The following CPSF1 variants were observed in gnomAD, a reference collection of about 807,000 sequenced individuals.
CPSF1 encodes cleavage and polyadenylation specific factor 1, also known as cleavage and polyadenylation specificity factor subunit 1.
A neutral mutation model predicts 175.8 loss-of-function variants in CPSF1; 106 were observed. The ratio of observed to expected loss-of-function variants is 0.60; its 90% CI spans 0.52 to 0.71. The LOEUF is 0.71. Ranked by LOEUF, CPSF1 falls within the 30% of genes least tolerant of loss-of-function variation. The pLI is 0.00. For synonymous variants in CPSF1, 1,024 were observed against 858.3 expected (o/e 1.19, Z -3.37); for missense variants, 1,734 against 2,022.9 (o/e 0.86, Z 2.74).
intron 9 of CPSF1, 31 bp downstream of exon 9, chr8:144,400,135 G>GGGGGCGCCCCCCCCCCCCCCCCCCCC: frequency 1.1e-6 from 1 of 896,012 alleles, no homozygotes; most frequent in Non-Finnish European, 1.6e-6. Context: ...CCGTCCCCGG[G>GGGGGCGCCCCCCCCCCCCCCCCCCCC]CCCCCCCCGC....
At chr8:144,398,757 C>T in intron 17 of CPSF1, 22 bp downstream of exon 17, 1 of 1,590,280 alleles carries the variant, frequency 6.3e-7, no homozygotes, top group Non-Finnish European at 8.6e-7. Context: ...CCAGGGCCTC[C>T]CTGCAGCAGG....
At position 144,393,974 on chromosome 8, in the gene CPSF1, C is replaced by T; in HGVS notation, c.3924G>A (p.Val1308=). 1 of 1,613,618 alleles carries T rather than the reference C, an allele frequency of 6.2e-7. No individual in the cohort carries two copies. The highest frequency in any genetic ancestry group is 8.5e-7 in the Non-Finnish European group (1 of 1,179,872). The change falls in exon 35 of 38, where the codon GTG becomes GTA. Residue 1308 remains valine, a synonymous_variant. Transcript: ENST00000616140. ...GGCACGGGGTCCTCCAGAACGTGTTCACGTGGGCACCCACGTGGAAGTCTG... is the reference window on the plus strand; with the variant it reads ...GGCACGGGGTCCTCCAGAACGTGTTTACGTGGGCACCCACGTGGAAGTCTG... ...RRADFHVGAH[V]NTFWRTPCRG...
chr8:144,394,590 G>A (rs375387970), intron 31 of CPSF1, 35 bp from the exon 32 acceptor site: 124 of 1,602,696 alleles, frequency 7.7e-5, no homozygotes, highest in Middle Eastern at 5.0e-4. Flanking sequence ...GGGCGCGGAC[G>A]GGGAGCCGGG....
rs368264901 is a variant in CPSF1 at position 144,393,354 on chromosome 8, G to A, written c.4296C>T (p.Asp1432=). ...IGTTPDIILD[D]LLETDRVTAH... ...CGGTGACGCGGTCCGTCTCCAGCAAGTCGTCCAGGATCTGCAGGGGATGGA... is the reference window on the plus strand; with the variant it reads ...CGGTGACGCGGTCCGTCTCCAGCAAATCGTCCAGGATCTGCAGGGGATGGA... Residue 1432 remains aspartate, a synonymous_variant, in exon 38 of 38, where the codon GAC becomes GAT. Coordinates refer to ENST00000616140, the MANE Select transcript of CPSF1 (RefSeq NM_013291.3). The A allele has an allele frequency of 2.0e-5, 30 of 1,499,992 alleles. No homozygotes were observed. The highest frequency in any genetic ancestry group is 2.4e-5 in the Non-Finnish European group (27 of 1,119,944). 92.9% of individuals were successfully genotyped at this position (1,499,992 alleles called of 1,614,324 possible).
chr8:144,396,816 C>A (rs1554863982), intron 24 of CPSF1, 24 bp downstream of exon 24: 1 of 1,613,420 alleles, frequency 6.2e-7, no homozygotes. Context: ...CCACCCCACG[C>A]CCCAGCAGTC....
Position 144,399,552 on chromosome 8 carries a change from T to A in CPSF1, c.1242+36A>T. ...GTGGCATGCCACAGCAGTGCCCACA[T>A]GAAGGGTGGTGGCCCAATGGGCCCA... On this transcript the variant is annotated intron_variant, in intron 12 of 37. Coordinates refer to ENST00000616140, the MANE Select transcript of CPSF1 (RefSeq NM_013291.3). The surrounding 1 kb of genome is among the most constrained non-coding windows in gnomAD (Gnocchi z 6.4). 1 of 1,611,440 alleles carries A rather than the reference T, an allele frequency of 6.2e-7. No homozygotes were observed. Among genetic ancestry groups the A allele is most frequent in the Non-Finnish European group, 8.5e-7 (1 of 1,179,234 alleles).
At position 144,400,709 on chromosome 8, in the gene CPSF1, G is replaced by GGTA; in HGVS notation, c.645_647dup (p.Thr216dup). 2 of 1,611,744 alleles carry GGTA rather than the reference G, an allele frequency of 1.2e-6. No homozygotes were observed. Among genetic ancestry groups the GGTA allele is most frequent in the Non-Finnish European group, 1.7e-6 (2 of 1,179,186 alleles). On this transcript the variant is annotated inframe_insertion, in exon 7 of 38. Transcript: ENST00000616140. ...GGTTGGGCTCAAACAGGATGAGGAG[G>GGTA]GTAGGCTCGTAGTAGCCATGCAGGA...
chr8:144,404,811 C>T lies in CPSF1; in HGVS notation c.145-3138G>A, dbSNP rs1349136598. On this transcript the variant is annotated intron_variant, in intron 2 of 37. Coordinates refer to ENST00000616140, the MANE Select transcript of CPSF1 (RefSeq NM_013291.3). ...GTGGCTCACGCCTGTAATCCCAGCA[C>T]TTTGGGAGGCTGAGGCAAGCGGATC... 9.9e-5 allele frequency among the ~76,000 whole-genome samples: 15 copies of T among 151,988 alleles called. No homozygotes were observed. The East Asian group carries it at 2.7e-3, about 28-fold the overall frequency.
Position 144,400,148 on chromosome 8 carries a change from CA to C in CPSF1, c.937+17del. Reference sequence around the variant, plus strand: ...AGCCGTCCCCGGGCCCCCCCCGCCCCAGCCACCCCACACTCACGAAGCGGGA... The same window carrying C: ...AGCCGTCCCCGGGCCCCCCCCGCCCCGCCACCCCACACTCACGAAGCGGGA... On this transcript the variant is annotated intron_variant, in intron 9 of 37. Coordinates refer to ENST00000616140, the MANE Select transcript of CPSF1 (RefSeq NM_013291.3). The C allele has an allele frequency of 2.2e-6, 3 of 1,390,222 alleles. No individual in the cohort carries two copies. Among genetic ancestry groups the C allele is most frequent in the Non-Finnish European group, 2.0e-6 (2 of 1,024,976 alleles). The allele number at this position is 1,390,222 out of a possible 1,614,324, so 86.1% of individuals were successfully genotyped here.
In CPSF1 at chr8:144,397,511, C is replaced by T. The variant is rs1337653208; in HGVS notation, c.2361G>A (p.Leu787=). Reference sequence around the variant, plus strand: ...CCTCCATGGTGCCATTCTCCCGCACCAGCAGGCACCAGTGGGTAGGCTCTG... The same window carrying T: ...CCTCCATGGTGCCATTCTCCCGCACTAGCAGGCACCAGTGGGTAGGCTCTG... The part of the protein sequence containing the change: ...FRAEPTHWCL[L]VRENGTMEIY... Residue 787 remains leucine (L), a synonymous_variant, in exon 22 of 38, where the codon CTG becomes CTA. Coordinates refer to ENST00000616140, the MANE Select transcript of CPSF1 (RefSeq NM_013291.3). 1 of 1,586,146 alleles carries T rather than the reference C, an allele frequency of 6.3e-7. No homozygotes were observed. The highest frequency in any genetic ancestry group is 8.6e-7 in the Non-Finnish European group (1 of 1,160,654).
Position 144,398,567 on chromosome 8 carries a change from G to T in CPSF1, c.1710C>A (p.Arg570=). The change falls in exon 18 of 38, where the codon CGC becomes CGA. Residue 570 remains arginine, a synonymous_variant. Transcript: ENST00000616140. ...GGCTCAGAATCAGGAATCCGTGTCT[G>T]CGGCCGTCGTCGTCTGCTTCAGGGG... The part of the protein sequence containing the change: ...STTPEADDDG[R]RHGFLILSRE... The T allele has an allele frequency of 6.2e-7, 1 of 1,613,952 alleles. No individual in the cohort carries two copies. The highest frequency in any genetic ancestry group is 8.5e-7 in the Non-Finnish European group (1 of 1,179,968).
Position 144,394,499 on chromosome 8 carries a change from C to A in CPSF1, c.3624G>T (p.Thr1208=). 1 of 1,609,772 alleles carries A rather than the reference C, an allele frequency of 6.2e-7. No individual in the cohort carries two copies. Among genetic ancestry groups the A allele is most frequent in the East Asian group, 2.2e-5 (1 of 44,760 alleles). The change falls in exon 32 of 38, where the codon ACG becomes ACT. Residue 1208 remains threonine (T), a synonymous_variant. Transcript: ENST00000616140. The stretch of plus-strand genomic sequence containing the variant: ...TGATCATCTGGTGTATGTAGAGCTG[C>A]GTGTCGATGAAGGCCATGCCCGTCA... ...SELTGMAFID[T]QLYIHQMISV...
At chr8:144,396,807 C>T (rs201387129) in intron 24 of CPSF1, 33 bp downstream of exon 24, 2 of 1,613,182 alleles carry the variant, frequency 1.2e-6, no homozygotes, top group East Asian at 2.2e-5. Context: ...GTACCACACC[C>T]ACCCCACGCC....
intron 26 of CPSF1, 22 bp from the exon 27 acceptor site, chr8:144,395,573 CA>C: frequency 8.7e-7 from 1 of 1,150,890 alleles, no homozygotes; most frequent in Non-Finnish European, 1.2e-6. Context: ...GCACAGGGGT[CA>C]GGGGATCCAG....
intron 20 of CPSF1, 22 bp from the exon 21 acceptor site, chr8:144,397,901 C>T (rs1554864654): frequency 8.1e-6 from 13 of 1,599,132 alleles, no homozygotes; most frequent in Non-Finnish European, 1.1e-5. Context: ...GGGGTGGGCT[C>T]AGCGGCGGGC....
chr8:144,397,342 C>T lies in CPSF1; in HGVS notation c.2457G>A (p.Val819=). 7.7e-6 allele frequency: 12 copies of T among 1,561,006 alleles called. No individual in the cohort carries two copies. The highest frequency in any genetic ancestry group is 1.0e-5 in the Non-Finnish European group (12 of 1,153,108). Residue 819 remains valine (V), a synonymous_variant, in exon 23 of 38, where the codon GTG becomes GTA. Transcript: ENST00000616140. ...KNFPVGQRVL[V]DSSFGQPTTQ... is the part of the protein sequence containing the mutation. ...TAGTGGGCTGTCCAAAGGAGCTGTCCACAAGGACCCGCTGCCCCACAGGGA... is the reference window on the plus strand; with the variant it reads ...TAGTGGGCTGTCCAAAGGAGCTGTCTACAAGGACCCGCTGCCCCACAGGGA...
Position 144,397,946 on chromosome 8 carries a change from G to C in CPSF1, c.2073+8C>G. 6.2e-7 allele frequency: 1 copy of C among 1,600,960 alleles called. No individual in the cohort carries two copies. Among genetic ancestry groups the C allele is most frequent in the Non-Finnish European group, 8.5e-7 (1 of 1,173,114 alleles). On this transcript the variant is annotated splice_region_variant and intron_variant, in intron 20 of 37. Coordinates refer to ENST00000616140, the MANE Select transcript of CPSF1 (RefSeq NM_013291.3). Reference sequence around the variant, plus strand: ...GGACAGGAGGGCGCCGGGAATGAGGGGGCCTACATGGTGCAGCGGGGGCTT... The same window carrying C: ...GGACAGGAGGGCGCCGGGAATGAGGCGGCCTACATGGTGCAGCGGGGGCTT...
In CPSF1 at chr8:144,401,630, GC is replaced by G. The variant is rs2116886302; in HGVS notation, c.172+15del. ...CCTGGCACCCGCACAGCCCCAGGCC[GC>G]CCCACCACACTCACCTGTGCTCCTG... is the stretch of plus-strand genomic sequence containing the variant. On this transcript the variant is annotated intron_variant, in intron 3 of 37. Transcript: ENST00000616140. The G allele has an allele frequency of 6.2e-7, 1 of 1,611,232 alleles. No individual in the cohort carries two copies. The highest frequency in any genetic ancestry group is 8.5e-7 in the Non-Finnish European group (1 of 1,178,834).
At position 144,394,574 on chromosome 8, in the gene CPSF1, G is replaced by T. The variant is rs782114542; in HGVS notation, c.3568-19C>A. The T allele has an allele frequency of 6.2e-7, 1 of 1,606,144 alleles. No homozygotes were observed. The highest frequency in any genetic ancestry group is 1.1e-5 in the South Asian group (1 of 90,090). ...GGAAAATCTGGGGGCGAGGGCGAGG[G>T]TGAGCGGGCGCGGACGGGGAGCCGG... On this transcript the variant is annotated intron_variant, in intron 31 of 37. Transcript: ENST00000616140.
Sources: gnomAD v4.1 joint callset for allele counts (sites outside exome capture counted in the v4.1 genomes callset) on GRCh38, gnomAD v4.1.1 for gene constraint, Gnocchi (gnomAD v3.1) non-coding constraint, MANE v1.5 for transcripts, NCBI Gene and HGNC (gene_info 2026-07-23, HGNC 2026-07-21) for gene names.